Variants in PARD3B observed in about 807,000 individuals in gnomAD.
PARD3B encodes the protein partitioning defective 3 homolog B.
A neutral mutation model predicts 130.2 loss-of-function variants in PARD3B; 103 were observed. The observed-to-expected ratio is 0.79, with a 90% CI of 0.67 to 0.93. The LOEUF (loss-of-function observed/expected upper bound fraction) is 0.93. Ranked by LOEUF, PARD3B falls within the 40% of genes least tolerant of loss-of-function variation. The pLI, the probability that PARD3B is intolerant of heterozygous loss-of-function variation, is 0.00. For synonymous variants in PARD3B, 583 were observed against 553.2 expected, an observed-to-expected ratio of 1.05 and a Z score of -0.76; for missense variants, 1,609 against 1,499.2, an observed-to-expected ratio of 1.07 and a Z score of -1.21.
chr2:204,571,736 CTT>C (rs2125068836), intron 1 of PARD3B, among the ~76,000 whole-genome samples: 1 of 152,206 alleles, frequency 6.6e-6, no homozygotes, highest in South Asian at 2.1e-4. Context: ...GTATTAGGGA[CTT>C]AATACAGTAG....
intron 2 of PARD3B, among the ~76,000 whole-genome samples, chr2:204,879,173 A>G (rs567232199): frequency 1.3e-5 from 2 of 152,272 alleles, no homozygotes; most frequent in African/African-American, 4.8e-5. Context: ...AAAAATTGCA[A>G]ATGTAAAATA....
chr2:205,533,696 G>A (rs1005456239), intron 21 of PARD3B, among the ~76,000 whole-genome samples: 1 of 152,082 alleles, frequency 6.6e-6, no homozygotes, highest in South Asian at 2.1e-4. Context: ...AAAAGACATA[G>A]ATTTTAACAT....
At chr2:204,884,245 AT>A (rs2125676542) in intron 2 of PARD3B, among the ~76,000 whole-genome samples, 2 of 152,302 alleles carry the variant, frequency 1.3e-5, no homozygotes, top group African/African-American at 4.8e-5. Flanking sequence ...ATGTCTACAA[AT>A]TTGAAATGTT....
At chr2:204,556,467 A>G (rs1316089125) in intron 1 of PARD3B, among the ~76,000 whole-genome samples, 3 of 152,204 alleles carry the variant, frequency 2.0e-5, no homozygotes, top group African/African-American at 7.2e-5. Context: ...TTGCAGGGAT[A>G]CAATATAGAC....
intron 2 of PARD3B, among the ~76,000 whole-genome samples, chr2:204,751,351 A>G (rs573208513): frequency 2.0e-4 from 30 of 152,346 alleles, no homozygotes; most frequent in Middle Eastern, 3.4e-3. Flanking sequence ...GCTTTCCTTT[A>G]GAAATTTATA....
rs1170811089 is a variant in PARD3B, at chr2:205,078,629, C to T, written c.505-25797C>T. On this transcript the variant is annotated intron_variant, in intron 4 of 22. Transcript: ENST00000406610. This position sits in a 1 kb window ranked among gnomAD's most constrained non-coding sequence, Gnocchi z 4.0. ...TCAAACATGTTAATAAAATATTTGA[C>T]ACTGTTTCAGTGAAGAGCTGAGGTC... 6.6e-6 allele frequency among the ~76,000 whole-genome samples: 1 copy of T among 152,168 alleles called. No homozygotes were observed. Among genetic ancestry groups the T allele is most frequent in the South Asian group, 2.1e-4 (1 of 4,836 alleles).
chr2:204,932,829 C>G (rs1688127736), intron 2 of PARD3B, among the ~76,000 whole-genome samples: 1 of 152,176 alleles, frequency 6.6e-6, no homozygotes, highest in Admixed American at 6.5e-5. Context: ...TTACACTAGT[C>G]AGTGACAGCT....
chr2:205,285,924 C>T (rs2041379064), intron 16 of PARD3B, among the ~76,000 whole-genome samples: 1 of 152,104 alleles, frequency 6.6e-6, no homozygotes, highest in Non-Finnish European at 1.5e-5. Flanking sequence ...AAAAGATCCT[C>T]CTTTTTAATT....
Position 205,258,009 on chromosome 2 carries a change from C to T in PARD3B, c.2185+12187C>T, listed in dbSNP as rs932144179. ...GTGCAAGAAATGTGCAAAGCTTCAC[C>T]TTTTACTTACTATAAACTTCTCTCA... On this transcript the variant is annotated intron_variant, in intron 16 of 22. Coordinates refer to ENST00000406610, the MANE Select transcript of PARD3B (RefSeq NM_001302769.2). This position sits in a 1 kb window ranked among gnomAD's most constrained non-coding sequence, Gnocchi z 4.9. 1.3e-5 allele frequency among the ~76,000 whole-genome samples: 2 copies of T among 152,120 alleles called. No individual in the cohort carries two copies. Among genetic ancestry groups the T allele is most frequent in the Non-Finnish European group, 2.9e-5 (2 of 68,030 alleles).
chr2:204,906,523 G>T lies in PARD3B; in HGVS notation c.223-58629G>T, dbSNP rs1353697840. Among the ~76,000 whole-genome samples, 1 of 152,140 alleles carries T rather than the reference G, an allele frequency of 6.6e-6. No individual in the cohort carries two copies. Among genetic ancestry groups the T allele is most frequent in the Non-Finnish European group, 1.5e-5 (1 of 68,038 alleles). On this transcript the variant is annotated intron_variant, in intron 2 of 22. Coordinates refer to ENST00000406610, the MANE Select transcript of PARD3B (RefSeq NM_001302769.2). The surrounding 1 kb of genome is among the most constrained non-coding windows in gnomAD (Gnocchi z 4.3). ...TTAACTAGAGAACACATGGTGTTTG[G>T]ACTGTTATTGTTAATCATTTCTTTT...
At chr2:204,823,104 C>T (rs948573248) in intron 2 of PARD3B, among the ~76,000 whole-genome samples, 8 of 152,106 alleles carry the variant, frequency 5.3e-5, no homozygotes, top group African/African-American at 1.9e-4. Flanking sequence ...AATGACGGGT[C>T]TTGCAGATTT....
At position 205,398,637 on chromosome 2, in the gene PARD3B, A is replaced by C. The variant is rs1028106611; in HGVS notation, c.2631-2376A>C. The stretch of plus-strand genomic sequence containing the variant: ...TGAGAAACATGCAGAATACTGGAAG[A>C]GGCTTCTAGGAAAGGCAGGACCATG... On this transcript the variant is annotated intron_variant, in intron 18 of 22. Coordinates refer to ENST00000406610, the MANE Select transcript of PARD3B (RefSeq NM_001302769.2). Among the ~76,000 whole-genome samples, 10 of 152,306 alleles carry C rather than the reference A, an allele frequency of 6.6e-5. No homozygotes were observed. The South Asian group carries it at 1.2e-3, about 19-fold the overall frequency.
intron 2 of PARD3B, among the ~76,000 whole-genome samples, chr2:204,759,284 G>C (rs186633385): frequency 5.9e-5 from 9 of 152,128 alleles, no homozygotes; most frequent in Non-Finnish European, 1.2e-4. Flanking sequence ...TCAAAATGTA[G>C]TATGTATACC....
At chr2:204,855,066 A>G (rs1321513363) in intron 2 of PARD3B, among the ~76,000 whole-genome samples, 2 of 152,154 alleles carry the variant, frequency 1.3e-5, no homozygotes, top group Admixed American at 6.5e-5. Context: ...ATAGCGTGCA[A>G]GGAAGGCTGG....
intron 15 of PARD3B, among the ~76,000 whole-genome samples, chr2:205,238,894 A>ATCTGTATGTGTGTG (rs1559575195): frequency 7.9e-6 from 1 of 125,882 alleles, no homozygotes; most frequent in Non-Finnish European, 1.7e-5. Context: ...GTGTATATAT[A>ATCTGTATGTGTGTG]TATATATATA....
In PARD3B at chr2:205,483,189, T is replaced by C. The variant is rs147903244; in HGVS notation, c.3045-16707T>C. ...AAATATTTTGTTTGCTGTATTCCCA[T>C]TAATATTCATAGGGAATGGAACACT... On this transcript the variant is annotated intron_variant, in intron 20 of 22. Coordinates refer to ENST00000406610, the MANE Select transcript of PARD3B (RefSeq NM_001302769.2). Among the ~76,000 whole-genome samples, 18 of 152,338 alleles carry C rather than the reference T, an allele frequency of 1.2e-4. No individual in the cohort carries two copies. The East Asian group carries it at 3.5e-3, about 29-fold the overall frequency.
rs1340653042 is a variant in PARD3B at position 204,623,314 on chromosome 2, A to G, written c.121-62867A>G. ...TGGCATCTGTATAAAATGTGAGTAT[A>G]GCTCGATGTTGTTACCTGTATAGAT... On this transcript the variant is annotated intron_variant, in intron 1 of 22. Transcript: ENST00000406610. This position sits in a 1 kb window ranked among gnomAD's most constrained non-coding sequence, Gnocchi z 4.5. Among the ~76,000 whole-genome samples, 1 of 152,172 alleles carries G rather than the reference A, an allele frequency of 6.6e-6. No homozygotes were observed. The highest frequency in any genetic ancestry group is 1.9e-4 in the East Asian group (1 of 5,194).
chr2:205,497,190 C>G (rs954136164), intron 20 of PARD3B, among the ~76,000 whole-genome samples: 14 of 136,186 alleles, frequency 1.0e-4, no homozygotes, highest in African/African-American at 3.8e-4. Context: ...ATGAGAGTTT[C>G]AACATACATA....
intron 4 of PARD3B, among the ~76,000 whole-genome samples, chr2:205,087,300 A>G (rs1701797378): frequency 6.6e-6 from 1 of 152,196 alleles, no homozygotes; most frequent in African/African-American, 2.4e-5. Context: ...TACTCCATTG[A>G]TTAAAACTGT....
Sources: allele counts gnomAD v4.1 joint callset (sites outside exome capture counted in the v4.1 genomes callset), GRCh38; gene constraint gnomAD v4.1.1; non-coding constraint Gnocchi (gnomAD v3.1); transcripts MANE v1.5; gene names NCBI Gene and HGNC (gene_info 2026-07-23, HGNC 2026-07-21).